Variants in TAF1 observed in about 807,000 individuals in gnomAD.
The protein encoded by TAF1 is transcription initiation factor TFIID subunit 1.
TAF1 carries 2 observed loss-of-function variants against 138.5 expected under a neutral mutation model. The ratio of observed to expected loss-of-function variants is 0.01; its 90% CI spans 0.01 to 0.05. The LOEUF is 0.05. TAF1 is among the 10% of genes least tolerant of loss of function. The pLI, the probability that TAF1 is intolerant of heterozygous loss-of-function variation, is 1.00. For synonymous variants in TAF1, 437 were observed against 503.2 expected, an observed-to-expected ratio of 0.87 and a Z score of 1.76; for missense variants, 709 against 1,478.0, an observed-to-expected ratio of 0.48 and a Z score of 8.53.
intron 3 of TAF1, among the ~76,000 whole-genome samples, chrX:71,369,645 G>C (rs1270440260): frequency 2.2e-5 from 2 of 89,865 alleles, no homozygotes; most frequent in African/African-American, 8.6e-5. Context: ...TCGCTCTATT[G>C]CCCAGGCTGG....
intron 36 of TAF1, 116 bp from the exon 37 acceptor site, chrX:71,460,510 G>A: frequency 1.2e-6 from 1 of 865,114 alleles, no homozygotes; most frequent in South Asian, 2.5e-5. Context: ...GAGGCGTATA[G>A]GCAAGATACC....
intron 32 of TAF1, among the ~76,000 whole-genome samples, chrX:71,436,038 CTTTTTTTTTTTTTT>C (rs780566468): frequency 1.3e-5 from 1 of 78,433 alleles, no homozygotes; most frequent in Non-Finnish European, 2.4e-5. Context: ...ATGCTACCTC[CTTTTTTTTTTTTTT>C]TTTTTTTTTT....
chrX:71,429,016 C>A (rs919054613), intron 32 of TAF1, among the ~76,000 whole-genome samples: 5 of 111,585 alleles, frequency 4.5e-5, no homozygotes, highest in African/African-American at 1.6e-4. Context: ...TGGCTCACGC[C>A]TGTAATCCCA....
chrX:71,507,590 G>A (rs1399284341), intron 13 of TAF1, among the ~76,000 whole-genome samples: 4 of 110,530 alleles, frequency 3.6e-5, no homozygotes, highest in Non-Finnish European at 7.6e-5. Context: ...CACTACAAGT[G>A]TGTGCCACCA....
At chrX:71,501,294 C>T (rs984157854) in intron 13 of TAF1, among the ~76,000 whole-genome samples, 1 of 111,005 alleles carries the variant, frequency 9.0e-6, no homozygotes, top group African/African-American at 3.3e-5. Context: ...AGTGTCCCCC[C>T]ACTGACAGGG....
At chrX:71,438,761 G>A (rs1375868130) in intron 32 of TAF1, among the ~76,000 whole-genome samples, 3 of 111,813 alleles carry the variant, frequency 2.7e-5, no homozygotes, top group Non-Finnish European at 3.8e-5. Flanking sequence ...TCAGGAGTTC[G>A]AGAGCAGCCT....
At chrX:71,417,545 G>T (rs1025649537) in intron 28 of TAF1, among the ~76,000 whole-genome samples, 2 of 108,382 alleles carry the variant, frequency 1.8e-5, no homozygotes, top group Non-Finnish European at 3.8e-5. Flanking sequence ...TTTTTTTCTT[G>T]TAGAGACAGG....
intron 32 of TAF1, among the ~76,000 whole-genome samples, chrX:71,437,666 A>G (rs1203269243): frequency 9.2e-6 from 1 of 108,987 alleles, no homozygotes; most frequent in Non-Finnish European, 1.9e-5. Context: ...AAAAAAAAGA[A>G]AAAGAGAAAT....
rs41370846 is a variant in TAF1 at position 71,504,741 on chromosome X, C to CAAAAAAAAAAAAAAAAAAA, written c.1367-23787_1367-23769dup. 8.2e-3 allele frequency among the ~76,000 whole-genome samples: 47 copies of CAAAAAAAAAAAAAAAAAAA among 5,720 alleles called. 2 individuals are homozygous for CAAAAAAAAAAAAAAAAAAA. The highest frequency in any genetic ancestry group is 0.019 in the East Asian group (4 of 206). The allele number at this position is 5,720 out of a possible 115,157, so 5.0% of individuals were successfully genotyped here. ...TGGGTGACAGAATGAGACCCTGTCT[C>CAAAAAAAAAAAAAAAAAAA]AAAAAAAAAAAAAAAAAAAAAAAAA... On this transcript the variant is annotated intron_variant and NMD_transcript_variant, in intron 13 of 14. Transcript: ENST00000373775.
chrX:71,420,230 T>C lies in TAF1; in HGVS notation c.4385-1079T>C. 3.8e-6 allele frequency: 3 copies of C among 785,058 alleles called. No homozygotes were observed. The South Asian group carries it at 6.3e-5, about 16-fold the overall frequency. The allele number at this position is 785,058 out of a possible 1,213,427, so 64.7% of individuals were successfully genotyped here. A position where few individuals can be genotyped will look rare whatever the true frequency, so the allele number is the denominator to read the frequency against. On this transcript the variant is annotated intron_variant, in intron 28 of 37. Coordinates refer to ENST00000423759, the MANE Select transcript of TAF1 (RefSeq NM_004606.5). The stretch of plus-strand genomic sequence containing the variant: ...AGCGGGCTCCTGGAAAACCCCGATC[T>C]GTTGTGCTGATTCCTGGTCTGTTGG...
intron 13 of TAF1, among the ~76,000 whole-genome samples, chrX:71,483,157 T>C (rs2039101962): frequency 1.0e-5 from 1 of 97,165 alleles, no homozygotes; most frequent in African/African-American, 3.8e-5. Flanking sequence ...TTTTCTTTTT[T>C]TTTTTTTTTT....
chrX:71,418,552 T>C (rs915475666), intron 28 of TAF1, among the ~76,000 whole-genome samples: 2 of 112,516 alleles, frequency 1.8e-5, no homozygotes, highest in African/African-American at 3.2e-5. Flanking sequence ...ACGTTTTGGC[T>C]CTGGGGAGCA....
rs746210848 is a variant in TAF1 at position 71,381,764 on chromosome X, A to G, written c.1382A>G (p.Asp461Gly). 2.5e-6 allele frequency: 3 copies of G among 1,210,110 alleles called. No individual in the cohort carries two copies. The South Asian group carries it at 5.3e-5, about 21-fold the overall frequency. Reference protein sequence around the residue: ...VQQGFAATLDDDKPWYSIFPI... With the variant: ...VQQGFAATLDGDKPWYSIFPI... ...CTAGGTTTTGCAGCCACTCTTGATGATGACAAACCTTGGTACTCCATTTTT... is the reference window on the plus strand; with the variant it reads ...CTAGGTTTTGCAGCCACTCTTGATGGTGACAAACCTTGGTACTCCATTTTT... The change falls in exon 9 of 38, where the codon GAT (aspartate) becomes GGT (glycine). Residue 461 changes from aspartate (D) to glycine (G), a missense_variant. Asp to Gly is a moderately conservative substitution (Grantham distance 94). This residue lies in a region of TAF1 where 201 missense variants were observed against 421.3 expected (regional missense o/e 0.48). Coordinates refer to ENST00000423759, the MANE Select transcript of TAF1 (RefSeq NM_004606.5).
chrX:71,441,690 T>A, intron 32 of TAF1: 1 of 300,879 alleles, frequency 3.3e-6, no homozygotes, highest in Non-Finnish European at 6.3e-6. Flanking sequence ...TGTATCTTTT[T>A]TTTTTCTAGG....
rs2034676036 is a variant in TAF1 at position 71,393,361 on chromosome X, G to T, written c.3112G>T (p.Ala1038Ser). The T allele has an allele frequency of 8.3e-7, 1 of 1,206,536 alleles. No homozygotes were observed. The highest frequency in any genetic ancestry group is 2.2e-5 in the Admixed American group (1 of 44,964). Residue 1038 changes from alanine to serine, a missense_variant, in exon 21 of 38, where the codon GCT (alanine) becomes TCT (serine). Around this residue, in one of 14 missense-constraint regions of TAF1, gnomAD observed 31 missense variants for 140.4 expected, o/e 0.22. Coordinates refer to ENST00000423759, the MANE Select transcript of TAF1 (RefSeq NM_004606.5). ...DVVRTMSTEQ[A>S]RSGEGPMSKF... ...GGTGCGCACAATGTCAACAGAACAGGCTCGTTCTGGAGAGGGGCCCATGAG... is the reference window on the plus strand; with the variant it reads ...GGTGCGCACAATGTCAACAGAACAGTCTCGTTCTGGAGAGGGGCCCATGAG...
At chrX:71,469,853 C>T (rs998447397), downstream of TAF1, among the ~76,000 whole-genome samples, 5 of 110,757 alleles carry the variant, frequency 4.5e-5, no homozygotes, top group African/African-American at 1.6e-4. Context: ...AGGCATGTGC[C>T]ACCATGCCCG....
chrX:71,379,565 C>T (rs2033727407), intron 8 of TAF1, among the ~76,000 whole-genome samples: 1 of 106,970 alleles, frequency 9.3e-6, no homozygotes, highest in South Asian at 4.0e-4. Context: ...CTAGGCCAGA[C>T]TCAGGTTTCT....
At chrX:71,503,876 TCTC>T (rs1463530154) in intron 13 of TAF1, among the ~76,000 whole-genome samples, 1 of 110,918 alleles carries the variant, frequency 9.0e-6, no homozygotes, top group African/African-American at 3.3e-5. Context: ...TTCTTTTTCT[TCTC>T]CTCCTCCTCT....
At chrX:71,411,457 C>T (rs771160453) in intron 28 of TAF1, among the ~76,000 whole-genome samples, 3 of 110,389 alleles carry the variant, frequency 2.7e-5, no homozygotes, top group Non-Finnish European at 3.8e-5. Context: ...CCAGCCTGTG[C>T]GAGAGAGCGA....
Sources: gnomAD v4.1 joint callset for allele counts (sites outside exome capture counted in the v4.1 genomes callset) on GRCh38, gnomAD v4.1.1 for gene constraint, gnomAD v4.1.1 regional missense constraint, MANE v1.5 for transcripts, NCBI Gene and HGNC (gene_info 2026-07-23, HGNC 2026-07-21) for gene names.